The following AFF2 variants were observed in gnomAD, a reference collection of about 807,000 sequenced individuals.
AFF2 encodes the protein AF4/FMR2 family member 2.
Under a neutral mutation model 76.9 loss-of-function variants are expected in AFF2, and 14 were observed. That is an observed-to-expected ratio of 0.18 (90% CI 0.12 to 0.28). AFF2 has a LOEUF of 0.28. Among genes scored for constraint, AFF2 ranks in the 10% least tolerant of loss-of-function variants. The pLI is 1.00. For missense variants in AFF2, 868 were observed against 1,001.1 expected (o/e 0.87, Z 1.79); for synonymous variants, 398 against 366.7 (o/e 1.09, Z -0.98).
chrX:148,531,390 C>G (rs1027163144), intron 1 of AFF2, among the ~76,000 whole-genome samples: 1 of 112,245 alleles, frequency 8.9e-6, no homozygotes, highest in Admixed American at 9.4e-5. Context: ...ATAGAAGATA[C>G]AGTAGGAAAA....
chrX:148,530,342 C>G (rs181547776), intron 1 of AFF2, among the ~76,000 whole-genome samples: 22 of 111,960 alleles, frequency 2.0e-4, no homozygotes, highest in African/African-American at 7.1e-4. Context: ...CACATAAGTG[C>G]TAAAAAATGT....
At position 148,867,234 on chromosome X, in the gene AFF2, A is replaced by C. The variant is rs782774052; in HGVS notation, c.1263-18655A>C. ...AGCCGTTTGGCTGGATACTGGCTGA[A>C]CGCATTCCCGTCATTTGGATAGGGG... On this transcript the variant is annotated intron_variant, in intron 7 of 20. Transcript: ENST00000370460. Among the ~76,000 whole-genome samples the C allele has an allele frequency of 9.8e-5, 11 of 112,564 alleles. No homozygotes were observed. In the South Asian group the frequency reaches 4.1e-3, roughly 42 times the overall value.
intron 7 of AFF2, among the ~76,000 whole-genome samples, chrX:148,885,580 T>C (rs1411826826): frequency 8.9e-6 from 1 of 111,795 alleles, no homozygotes; most frequent in African/African-American, 3.3e-5. Context: ...TACACAGTGA[T>C]TGATCAGTAC....
chrX:148,696,795 T>C (rs2054726922), intron 3 of AFF2, among the ~76,000 whole-genome samples: 1 of 111,621 alleles, frequency 9.0e-6, no homozygotes, highest in Non-Finnish European at 1.9e-5. Context: ...CAATTCAAAA[T>C]TTGCAAGATT....
chrX:148,556,763 T>G (rs1471549660), intron 1 of AFF2, among the ~76,000 whole-genome samples: 2 of 112,277 alleles, frequency 1.8e-5, no homozygotes, highest in East Asian at 5.6e-4. Flanking sequence ...AGAACTTACC[T>G]ATCTGATCTG....
chrX:148,638,778 G>A (rs782251988), intron 1 of AFF2, among the ~76,000 whole-genome samples: 5 of 111,116 alleles, frequency 4.5e-5, no homozygotes, highest in Non-Finnish European at 9.4e-5. Flanking sequence ...GGCAAGTACA[G>A]CACCAAGCCA....
chrX:148,540,639 C>G (rs35167191), intron 1 of AFF2, among the ~76,000 whole-genome samples: 35,481 of 109,558 alleles, frequency 0.32, 4,469 homozygotes, highest in African/African-American at 0.41. Context: ...GGGAGCTGCT[C>G]TCCCAGTTGG....
At chrX:148,710,324 T>C (rs1557262804) in intron 3 of AFF2, among the ~76,000 whole-genome samples, 1 of 111,955 alleles carries the variant, frequency 8.9e-6, no homozygotes, top group Admixed American at 9.5e-5. Flanking sequence ...ACCCTTCCTC[T>C]CTGCCTCCCT....
chrX:148,894,091 T>C (rs1785405124), intron 8 of AFF2, among the ~76,000 whole-genome samples: 1 of 112,051 alleles, frequency 8.9e-6, no homozygotes, highest in South Asian at 3.7e-4. Flanking sequence ...CCTAACTTCA[T>C]TGGTAGTTTC....
At chrX:148,871,327 T>C (rs2070972586) in intron 7 of AFF2, among the ~76,000 whole-genome samples, 1 of 111,172 alleles carries the variant, frequency 9.0e-6, no homozygotes, top group Non-Finnish European at 1.9e-5. Context: ...TGTCATGGTT[T>C]GGAAAATCAA....
At chrX:148,978,858 G>A (rs782085517) in intron 18 of AFF2, among the ~76,000 whole-genome samples, 3 of 111,915 alleles carry the variant, frequency 2.7e-5, no homozygotes, top group Non-Finnish European at 1.9e-5. Context: ...CTGGCTCTAT[G>A]TGCACGTCCA....
chrX:148,672,096 C>A (rs2054430690), intron 3 of AFF2, among the ~76,000 whole-genome samples: 1 of 111,969 alleles, frequency 8.9e-6, no homozygotes, highest in South Asian at 3.7e-4. Context: ...GGTAGATAAC[C>A]ATATTGATTC....
chrX:148,879,551 T>G (rs781968317), intron 7 of AFF2, among the ~76,000 whole-genome samples: 4 of 111,999 alleles, frequency 3.6e-5, no homozygotes, highest in Non-Finnish European at 5.6e-5. Flanking sequence ...CAGCAAACTC[T>G]ATTTTGATAA....
At chrX:148,534,613 G>C (rs2052763166) in intron 1 of AFF2, among the ~76,000 whole-genome samples, 1 of 111,952 alleles carries the variant, frequency 8.9e-6, no homozygotes, top group Non-Finnish European at 1.9e-5. Context: ...ACCTCATAAG[G>C]TTGTTGTAAA....
At chrX:148,738,410 G>C (rs2055311134) in intron 3 of AFF2, among the ~76,000 whole-genome samples, 1 of 111,229 alleles carries the variant, frequency 9.0e-6, no homozygotes, top group East Asian at 2.8e-4. Flanking sequence ...GTGTGTAAAG[G>C]TGTTCATAGT....
chrX:148,722,349 T>G (rs2055104038), intron 3 of AFF2, among the ~76,000 whole-genome samples: 1 of 111,430 alleles, frequency 9.0e-6, no homozygotes, highest in East Asian at 2.9e-4. Context: ...GTGACACGTA[T>G]CCACGCCTTC....
intron 15 of AFF2, among the ~76,000 whole-genome samples, chrX:148,973,071 G>A (rs2072278237): frequency 1.0e-5 from 1 of 99,259 alleles, no homozygotes; most frequent in African/African-American, 3.7e-5. Context: ...GTTTGTCAAA[G>A]ATCAGATAGT....
At chrX:148,813,498 A>G (rs951513331) in intron 4 of AFF2, among the ~76,000 whole-genome samples, 1 of 112,473 alleles carries the variant, frequency 8.9e-6, no homozygotes, top group Admixed American at 9.4e-5. Context: ...ACAACTGATA[A>G]TAGTAATGTG....
At chrX:148,778,854 A>T in intron 3 of AFF2, among the ~76,000 whole-genome samples, 1 of 110,432 alleles carries the variant, frequency 9.1e-6, no homozygotes, top group Non-Finnish European at 1.9e-5. Context: ...ATCTCTTTCA[A>T]TTCTGCTCTG....
Sources: allele counts gnomAD v4.1 joint callset (sites outside exome capture counted in the v4.1 genomes callset), GRCh38; gene constraint gnomAD v4.1.1; transcripts MANE v1.5; gene names NCBI Gene and HGNC (gene_info 2026-07-23, HGNC 2026-07-21).